Variants in ZNF521 observed in about 807,000 individuals in gnomAD.
ZNF521 encodes the protein zinc finger protein 521.
ZNF521 carries 14 observed loss-of-function variants against 105.5 expected under a neutral mutation model. The observed-to-expected ratio is 0.13, with a 90% CI of 0.09 to 0.21. The LOEUF (loss-of-function observed/expected upper bound fraction) is 0.21, where lower values mean the gene tolerates loss of function less well. Among genes scored for constraint, ZNF521 ranks in the 10% least tolerant of loss-of-function variants. The probability of loss-of-function intolerance (pLI) is 1.00; values close to 1 mark genes in which losing one functional copy is unlikely to be tolerated. For missense variants in ZNF521, 1,233 were observed against 1,629.7 expected, an observed-to-expected ratio of 0.76 and a Z score of 4.19; for synonymous variants, 635 against 606.0, an observed-to-expected ratio of 1.05 and a Z score of -0.70.
intron 2 of ZNF521, among the ~76,000 whole-genome samples, chr18:25,324,841 T>C (rs545423145): frequency 9.4e-4 from 143 of 152,228 alleles, no homozygotes; most frequent in Non-Finnish European, 1.8e-3. Flanking sequence ...GAATGCATGA[T>C]GGCTTCGCTC....
intron 3 of ZNF521, among the ~76,000 whole-genome samples, chr18:25,317,800 C>T (rs1305191056): frequency 1.3e-5 from 2 of 152,118 alleles, no homozygotes; most frequent in Non-Finnish European, 2.9e-5. Context: ...AAATGCCCAA[C>T]AGAATGTCAA....
intron 5 of ZNF521, among the ~76,000 whole-genome samples, chr18:25,166,789 C>A (rs62083897): frequency 2.0e-5 from 3 of 151,868 alleles, no homozygotes; most frequent in East Asian, 1.9e-4. Flanking sequence ...TATAAGACAG[C>A]GCCACATATT....
intron 3 of ZNF521, among the ~76,000 whole-genome samples, chr18:25,274,588 A>C (rs566357376): frequency 8.5e-5 from 13 of 152,326 alleles, no homozygotes; most frequent in African/African-American, 2.9e-4. Flanking sequence ...AACAAAATGG[A>C]AACAGGGATA....
chr18:25,220,386 C>T (rs998246679), intron 4 of ZNF521, among the ~76,000 whole-genome samples: 2 of 152,124 alleles, frequency 1.3e-5, no homozygotes, highest in Non-Finnish European at 2.9e-5. Flanking sequence ...AGAAAGAAGA[C>T]AGGAGTACCG....
At chr18:25,164,778 A>T (rs987004759) in intron 5 of ZNF521, among the ~76,000 whole-genome samples, 1 of 152,170 alleles carries the variant, frequency 6.6e-6, no homozygotes, top group South Asian at 2.1e-4. Flanking sequence ...TCAATTCACT[A>T]TTTATGCTGA....
intron 5 of ZNF521, among the ~76,000 whole-genome samples, chr18:25,163,999 C>G (rs537680839): frequency 1.4e-4 from 22 of 152,232 alleles, no homozygotes; most frequent in Admixed American, 1.2e-3. Flanking sequence ...GCCTGAGCAG[C>G]TGAAATCATT....
At chr18:25,237,238 G>A (rs1443890529) in intron 3 of ZNF521, among the ~76,000 whole-genome samples, 1 of 152,126 alleles carries the variant, frequency 6.6e-6, no homozygotes, top group Non-Finnish European at 1.5e-5. Context: ...TAGACTAAGT[G>A]ATTTATGCCA....
chr18:25,270,741 A>C (rs1163022140), intron 3 of ZNF521, among the ~76,000 whole-genome samples: 1 of 152,200 alleles, frequency 6.6e-6, no homozygotes, highest in Non-Finnish European at 1.5e-5. Flanking sequence ...TCATGTTAAA[A>C]ACTCTTAATA....
At chr18:25,175,763 T>C (rs2035525730) in intron 5 of ZNF521, among the ~76,000 whole-genome samples, 1 of 152,230 alleles carries the variant, frequency 6.6e-6, no homozygotes, top group Admixed American at 6.5e-5. Context: ...CCATTTATCA[T>C]ACCTTGTACC....
At chr18:25,291,179 C>A (rs376757612) in intron 3 of ZNF521, among the ~76,000 whole-genome samples, 1 of 152,080 alleles carries the variant, frequency 6.6e-6, no homozygotes, top group Admixed American at 6.5e-5. Flanking sequence ...AAATAATGCA[C>A]GAGTGAAATT....
chr18:25,217,403 G>C (rs1341044264), intron 4 of ZNF521, among the ~76,000 whole-genome samples: 1 of 152,192 alleles, frequency 6.6e-6, no homozygotes, highest in African/African-American at 2.4e-5. Context: ...TGGAGAATGA[G>C]AGAAAAGAGG....
intron 3 of ZNF521, among the ~76,000 whole-genome samples, chr18:25,272,879 C>T (rs1442443428): frequency 5.9e-5 from 9 of 151,806 alleles, no homozygotes; most frequent in African/African-American, 2.2e-4. Flanking sequence ...CCTGCACATT[C>T]TGCACATGTA....
At chr18:25,202,993 G>A (rs2036017934) in intron 4 of ZNF521, among the ~76,000 whole-genome samples, 1 of 152,178 alleles carries the variant, frequency 6.6e-6, no homozygotes, top group Non-Finnish European at 1.5e-5. Context: ...TGAATGTCCT[G>A]ATAAAAAATC....
intron 7 of ZNF521, 101 bp from the exon 8 acceptor site, chr18:25,062,842 T>C (rs2032943667): frequency 1.5e-5 from 16 of 1,097,350 alleles, no homozygotes; most frequent in South Asian, 3.0e-5. Context: ...CAAGCATATA[T>C]ACATGTAATT....
rs373601889 is a variant in ZNF521, at chr18:25,317,756, T to C, written c.220+4252A>G. Among the ~76,000 whole-genome samples, 4 of 152,292 alleles carry C rather than the reference T, an allele frequency of 2.6e-5. No individual in the cohort carries two copies. The East Asian group carries it at 5.8e-4, about 22-fold the overall frequency. On this transcript the variant is annotated intron_variant, in intron 3 of 7. Transcript: ENST00000361524. ...CACCTTAAATGAAGTCAATTAAATA[T>C]ATATGAGCTAGAAAATCCACAAAAA... is the stretch of plus-strand genomic sequence containing the variant.
In ZNF521 at chr18:25,062,752, C is replaced by CAAAAAAAAAAAAAAAAAAAAAAAAAAA; in HGVS notation, c.3907-38_3907-12dup. Reference sequence around the variant, plus strand: ...GGTCATTGTATGATTCTGTAAATAACAAAAAAAAAAAAAAAAAAAAAAAAA... The same window carrying CAAAAAAAAAAAAAAAAAAAAAAAAAAA: ...GGTCATTGTATGATTCTGTAAATAACAAAAAAAAAAAAAAAAAAAAAAAAAAAAAAAAAAAAAAAAAAAAAAAAAAAA... On this transcript the variant is annotated splice_polypyrimidine_tract_variant and intron_variant, in intron 7 of 7. Coordinates refer to ENST00000361524, the MANE Select transcript of ZNF521 (RefSeq NM_015461.3). The CAAAAAAAAAAAAAAAAAAAAAAAAAAA allele has an allele frequency of 8.3e-6, 3 of 359,496 alleles. 1 individual carries two copies. The highest frequency in any genetic ancestry group is 4.3e-6 in the Non-Finnish European group (1 of 234,470). The allele number at this position is 359,496 out of a possible 1,614,324, so 22.3% of individuals were successfully genotyped here.
At chr18:25,294,899 A>C (rs1054309620) in intron 3 of ZNF521, among the ~76,000 whole-genome samples, 3 of 150,914 alleles carry the variant, frequency 2.0e-5, no homozygotes, top group Non-Finnish European at 4.4e-5. Context: ...GTTTGGGCAG[A>C]AATCTTTCTA....
intron 2 of ZNF521, among the ~76,000 whole-genome samples, chr18:25,346,410 T>C (rs1216290191): frequency 6.6e-6 from 1 of 152,182 alleles, no homozygotes. Context: ...TCAGGGCCAG[T>C]ACAAGCTCCC....
chr18:25,283,487 G>A (rs1235642653), intron 3 of ZNF521, among the ~76,000 whole-genome samples: 5 of 152,126 alleles, frequency 3.3e-5, no homozygotes, highest in African/African-American at 4.8e-5. Flanking sequence ...AACCTTCACA[G>A]GATTTTGCTG....
Sources: allele counts gnomAD v4.1 joint callset (sites outside exome capture counted in the v4.1 genomes callset), GRCh38; gene constraint gnomAD v4.1.1; transcripts MANE v1.5; gene names NCBI Gene and HGNC (gene_info 2026-07-23, HGNC 2026-07-21).